Variants in TRIM36 observed in about 807,000 individuals in gnomAD.
TRIM36 encodes the protein tripartite motif containing 36.
TRIM36 carries 42 observed loss-of-function variants against 72.4 expected under a neutral mutation model. The ratio of observed to expected loss-of-function variants is 0.58; its 90% CI spans 0.45 to 0.75. The LOEUF (loss-of-function observed/expected upper bound fraction) is 0.75, where lower values mean the gene tolerates loss of function less well. TRIM36 is among the 30% of genes least tolerant of loss of function. The probability of loss-of-function intolerance (pLI) is 0.00; values close to 1 mark genes in which losing one functional copy is unlikely to be tolerated. For synonymous variants in TRIM36, 315 were observed against 282.8 expected, an observed-to-expected ratio of 1.11 and a Z score of -1.14; for missense variants, 913 against 857.1, an observed-to-expected ratio of 1.07 and a Z score of -0.81.
chr5:115,140,702 C>G (rs554041499), intron 5 of TRIM36, among the ~76,000 whole-genome samples: 3 of 152,122 alleles, frequency 2.0e-5, no homozygotes, highest in Admixed American at 6.5e-5. Flanking sequence ...GACATTACTG[C>G]AAGATTAATC....
intron 1 of TRIM36, chr5:115,177,676 G>A (rs2126961202): frequency 4.4e-6 from 7 of 1,607,774 alleles, no homozygotes; most frequent in Middle Eastern, 1.8e-4. Context: ...ATAAGCTTAC[G>A]TTGAAATGGT....
At chr5:115,139,956 G>T (rs1753187103) in intron 5 of TRIM36, among the ~76,000 whole-genome samples, 1 of 152,064 alleles carries the variant, frequency 6.6e-6, no homozygotes, top group Non-Finnish European at 1.5e-5. Context: ...AACAAACAAG[G>T]CTATTAATAA....
At chr5:115,170,156 G>T (rs545089289), upstream of TRIM36, among the ~76,000 whole-genome samples, 531 of 138,030 alleles carry the variant, frequency 3.8e-3, 2 homozygotes, top group African/African-American at 0.013. Context: ...CCTCCCACCC[G>T]GGTAGTCGCC....
intron 2 of TRIM36, among the ~76,000 whole-genome samples, chr5:115,153,996 T>C (rs563701878): frequency 6.6e-6 from 1 of 151,894 alleles, no homozygotes; most frequent in African/African-American, 2.4e-5. Flanking sequence ...CAGACCACAG[T>C]GGAATAAAAC....
intron 2 of TRIM36, among the ~76,000 whole-genome samples, chr5:115,148,003 T>C (rs765086042): frequency 1.3e-5 from 2 of 152,172 alleles, no homozygotes; most frequent in African/African-American, 2.4e-5. Flanking sequence ...AACACTACAA[T>C]AGAAGCTTTC....
At chr5:115,150,650 C>T (rs530516132) in intron 2 of TRIM36, among the ~76,000 whole-genome samples, 1 of 152,312 alleles carries the variant, frequency 6.6e-6, no homozygotes, top group South Asian at 2.1e-4. Context: ...TGAGAGGACC[C>T]ACAGGCCCCC....
intron 2 of TRIM36, among the ~76,000 whole-genome samples, chr5:115,154,116 T>C (rs989686677): frequency 7.3e-5 from 11 of 150,964 alleles, no homozygotes; most frequent in African/African-American, 2.7e-4. Context: ...TAAGATGAAA[T>C]TTAAAAATTC....
At chr5:115,151,797 C>T (rs1363446765) in intron 2 of TRIM36, among the ~76,000 whole-genome samples, 1 of 152,110 alleles carries the variant, frequency 6.6e-6, no homozygotes, top group African/African-American at 2.4e-5. Flanking sequence ...CACTACAACT[C>T]GACTCCCAGG....
At chr5:115,173,394 T>C (rs547193526), upstream of TRIM36, among the ~76,000 whole-genome samples, 15 of 152,302 alleles carry the variant, frequency 9.8e-5, no homozygotes, top group Admixed American at 6.5e-4. Context: ...CAGATGATTT[T>C]CCATATGTGT....
chr5:115,149,559 T>C (rs1390552986), intron 2 of TRIM36: 2 of 77,186 alleles, frequency 2.6e-5, no homozygotes, highest in African/African-American at 6.1e-5. Flanking sequence ...AATTGGGTCC[T>C]CAGAAATTTG....
chr5:115,161,646 A>G (rs532120366), intron 2 of TRIM36, among the ~76,000 whole-genome samples: 13 of 152,312 alleles, frequency 8.5e-5, no homozygotes, highest in African/African-American at 3.1e-4. Flanking sequence ...TTCAACCCTG[A>G]CACTGCCAAG....
chr5:115,150,835 G>C (rs1753851362), intron 2 of TRIM36, among the ~76,000 whole-genome samples: 1 of 152,214 alleles, frequency 6.6e-6, no homozygotes, highest in African/African-American at 2.4e-5. Context: ...TCAATTTAGA[G>C]AGCTGAGTGA....
At chr5:115,146,765 A>G (rs1342544092) in intron 3 of TRIM36, among the ~76,000 whole-genome samples, 1 of 152,204 alleles carries the variant, frequency 6.6e-6, no homozygotes, top group Non-Finnish European at 1.5e-5. Flanking sequence ...TTTCAATCTT[A>G]AAGAGTATAT....
chr5:115,155,938 T>TA (rs1394082610), intron 2 of TRIM36, among the ~76,000 whole-genome samples: 12 of 151,958 alleles, frequency 7.9e-5, no homozygotes, highest in Admixed American at 2.6e-4. Context: ...CTAAAACAGA[T>TA]AAAAAAATTC....
intron 1 of TRIM36, among the ~76,000 whole-genome samples, chr5:115,178,054 C>G (rs1755427742): frequency 6.6e-6 from 1 of 152,078 alleles, no homozygotes; most frequent in Admixed American, 6.5e-5. Context: ...TGCCCTACTT[C>G]CCCATTTCGT....
At chr5:115,144,036 A>G (rs550710224) in intron 4 of TRIM36, among the ~76,000 whole-genome samples, 2 of 101,296 alleles carry the variant, frequency 2.0e-5, no homozygotes, top group Admixed American at 9.7e-5. Context: ...ATGCCCAGCT[A>G]ATTTTTTTTT....
chr5:115,149,888 A>G (rs1254872604), intron 2 of TRIM36, among the ~76,000 whole-genome samples: 2 of 152,030 alleles, frequency 1.3e-5, no homozygotes, highest in African/African-American at 4.8e-5. Context: ...CCTCCCGAGT[A>G]GCTGGGACTA....
chr5:115,158,888 T>A lies in TRIM36; in HGVS notation c.262+4630A>T, dbSNP rs1406177561. Among the ~76,000 whole-genome samples, 9 of 152,326 alleles carry A rather than the reference T, an allele frequency of 5.9e-5. No homozygotes were observed. The East Asian group carries it at 1.5e-3, about 26-fold the overall frequency. On this transcript the variant is annotated intron_variant, in intron 2 of 9. Coordinates refer to ENST00000513154, the MANE Select transcript of TRIM36 (RefSeq NM_001300759.2). Reference sequence around the variant, plus strand: ...TGGCTTCTAATCGTGGCTTTAAGATTTTTAAATCAAGAAATGCAGAAGAAA... The same window carrying A: ...TGGCTTCTAATCGTGGCTTTAAGATATTTAAATCAAGAAATGCAGAAGAAA...
chr5:115,142,647 C>A (rs1389122567), intron 4 of TRIM36, among the ~76,000 whole-genome samples: 1 of 152,090 alleles, frequency 6.6e-6, no homozygotes, highest in Non-Finnish European at 1.5e-5. Context: ...TCATAATAGT[C>A]CCCTCAAATC....
Sources: gnomAD v4.1 joint callset for allele counts (sites outside exome capture counted in the v4.1 genomes callset) on GRCh38, gnomAD v4.1.1 for gene constraint, MANE v1.5 for transcripts, NCBI Gene and HGNC (gene_info 2026-07-23, HGNC 2026-07-21) for gene names.